Variants in IDH2 observed in about 807,000 individuals in gnomAD.
IDH2 encodes isocitrate dehydrogenase [NADP], mitochondrial.
In IDH2, 18 loss-of-function variants were observed where a neutral mutation model predicts 50.5. The observed-to-expected ratio is 0.36, with a 90% CI of 0.25 to 0.53. IDH2 has a LOEUF of 0.53. IDH2 is among the 20% of genes least tolerant of loss of function. The pLI is 0.92. For synonymous variants in IDH2, 280 were observed against 239.8 expected (o/e 1.17, Z -1.55); for missense variants, 518 against 610.7 (o/e 0.85, Z 1.60).
chr15:90,092,663 G>A lies in IDH2; in HGVS notation c.116-1019C>T, dbSNP rs1013805374. On this transcript the variant is annotated intron_variant, in intron 1 of 10. Coordinates refer to ENST00000330062, the MANE Select transcript of IDH2 (RefSeq NM_002168.4). ...ATGATCTCAGCCCACTGCAACCTCC[G>A]CCTCCCGAGTTCAAGTGATTCTCGG... 2.6e-5 allele frequency among the ~76,000 whole-genome samples: 4 copies of A among 151,470 alleles called. No homozygotes were observed. The East Asian group carries it at 5.8e-4, about 22-fold the overall frequency.
chr15:90,085,519 A>G lies in IDH2; in HGVS notation c.968-132T>C, dbSNP rs1367585013. ...CTCTACTCAGCCTCCCCCAGCTGCA[A>G]CTGGGAGGACAGGGACTGTTCCAGG... On this transcript the variant is annotated intron_variant, in intron 7 of 10. Transcript: ENST00000330062. The surrounding 1 kb of genome is among the most constrained non-coding windows in gnomAD (Gnocchi z 5.5). The G allele has an allele frequency of 4.1e-6, 3 of 724,994 alleles. No individual in the cohort carries two copies. The highest frequency in any genetic ancestry group is 2.0e-5 in the Admixed American group (1 of 49,844). The allele number at this position is 724,994 out of a possible 1,614,324, so 44.9% of individuals were successfully genotyped here.
At chr15:90,094,905 AAAAC>A (rs1412711324) in intron 1 of IDH2, among the ~76,000 whole-genome samples, 4 of 150,668 alleles carry the variant, frequency 2.7e-5, no homozygotes, top group South Asian at 4.2e-4. Context: ...CCATCTCAAA[AAAAC>A]AAACAAACAA....
rs1555462228 is a variant in IDH2 at position 90,098,515 on chromosome 15, T to TATGTATGCATGCATGC, written c.115+3760_115+3761insGCATGCATGCATACAT. ...ACTTTGTATATTTTATGTATGTATG[T>TATGTATGCATGCATGC]ATGTATGTATGCATGCATGTATGTA... is the stretch of plus-strand genomic sequence containing the variant. On this transcript the variant is annotated intron_variant, in intron 1 of 10. Transcript: ENST00000330062. This position sits in a 1 kb window ranked among gnomAD's most constrained non-coding sequence, Gnocchi z 5.1. Among the ~76,000 whole-genome samples the TATGTATGCATGCATGC allele has an allele frequency of 2.5e-3, 375 of 150,500 alleles. 1 individual carries two copies. The highest frequency in any genetic ancestry group is 8.8e-3 in the African/African-American group (356 of 40,352).
chr15:90,087,074 A>G, intron 7 of IDH2, 38 bp downstream of exon 7: 1 of 1,610,914 alleles, frequency 6.2e-7, no homozygotes. Context: ...GAAGACCAAC[A>G]GTCCACCCCC....
intron 5 of IDH2, among the ~76,000 whole-genome samples, chr15:90,087,806 C>CT (rs769048437): frequency 0.028 from 3,379 of 119,088 alleles, 87 homozygotes; most frequent in African/African-American, 0.032. Flanking sequence ...AAAACACCGC[C>CT]TTTTTTTTTT....
At chr15:90,087,683 G>A (rs1900900621) in intron 5 of IDH2, 108 bp from the exon 6 acceptor site, 1 of 1,288,512 alleles carries the variant, frequency 7.8e-7, no homozygotes, top group Non-Finnish European at 1.1e-6. Context: ...GTACCCCGCC[G>A]CCCACGCGAC....
chr15:90,086,184 A>C (rs1386852963), intron 7 of IDH2, among the ~76,000 whole-genome samples: 1 of 152,164 alleles, frequency 6.6e-6, no homozygotes, highest in African/African-American at 2.4e-5. Flanking sequence ...AGGTTTACAC[A>C]AAGTAACAAG....
At chr15:90,091,956 A>G (rs1901050709) in intron 1 of IDH2, among the ~76,000 whole-genome samples, 1 of 152,182 alleles carries the variant, frequency 6.6e-6, no homozygotes, top group African/African-American at 2.4e-5. Flanking sequence ...GTGAGTGAGC[A>G]CTACTACCAC....
At chr15:90,096,178 T>TTACA (rs1567258735) in intron 1 of IDH2, among the ~76,000 whole-genome samples, 7 of 152,122 alleles carry the variant, frequency 4.6e-5, no homozygotes, top group Admixed American at 2.6e-4. Context: ...CACACACCTG[T>TTACA]AGTCCCAGCT....
intron 1 of IDH2, among the ~76,000 whole-genome samples, chr15:90,093,598 T>TTTAA (rs67827708): frequency 0.18 from 26,813 of 150,176 alleles, 2,702 homozygotes; most frequent in East Asian, 0.46. Flanking sequence ...CTCCATTTTA[T>TTTAA]TTAATTAATT....
chr15:90,083,055 A>G lies in IDH2; in HGVS notation c.*1211T>C, dbSNP rs1900764456. On this transcript the variant is annotated 3_prime_UTR_variant, in exon 11 of 11. Transcript: ENST00000330062. ...TGCAGAGGACAGTCCTTTTGATTAT[A>G]TGTAGCTTTAGAGCAACTTTTATTT... 6.7e-6 allele frequency: 1 copy of G among 148,420 alleles called. No individual in the cohort carries two copies. The highest frequency in any genetic ancestry group is 1.5e-5 in the Non-Finnish European group (1 of 67,310). 9.2% of individuals were successfully genotyped at this position (148,420 alleles called of 1,614,324 possible).
At chr15:90,086,670 ATT>A (rs375713389) in intron 7 of IDH2, among the ~76,000 whole-genome samples, 2 of 152,054 alleles carry the variant, frequency 1.3e-5, no homozygotes, top group Non-Finnish European at 2.9e-5. Context: ...CTGCAATCTG[ATT>A]TGTCTTTTAG....
Position 90,098,697 on chromosome 15 carries a change from C to T in IDH2, c.115+3579G>A, listed in dbSNP as rs1429799033. Among the ~76,000 whole-genome samples, 1 of 152,116 alleles carries T rather than the reference C, an allele frequency of 6.6e-6. No homozygotes were observed. Among genetic ancestry groups the T allele is most frequent in the East Asian group, 1.9e-4 (1 of 5,188 alleles). On this transcript the variant is annotated intron_variant, in intron 1 of 10. Coordinates refer to ENST00000330062, the MANE Select transcript of IDH2 (RefSeq NM_002168.4). This position sits in a 1 kb window ranked among gnomAD's most constrained non-coding sequence, Gnocchi z 5.1. Reference sequence around the variant, plus strand: ...TAGCTGGGACTACAGGCGCCTGCCACCACACCCAGCTAATTTTTGTATTTT... The same window carrying T: ...TAGCTGGGACTACAGGCGCCTGCCATCACACCCAGCTAATTTTTGTATTTT...
intron 1 of IDH2, among the ~76,000 whole-genome samples, chr15:90,096,892 C>T (rs1338294677): frequency 6.7e-6 from 1 of 149,840 alleles, no homozygotes; most frequent in Non-Finnish European, 1.5e-5. Flanking sequence ...CCAGCATGGG[C>T]GAAAGAGAGC....
Position 90,088,500 on chromosome 15 carries a change from G to A in IDH2, c.537C>T (p.Tyr179=), listed in dbSNP as rs2151549332. The A allele has an allele frequency of 1.9e-6, 3 of 1,614,250 alleles. No individual in the cohort carries two copies. Among genetic ancestry groups the A allele is most frequent in the Non-Finnish European group, 2.5e-6 (3 of 1,180,054 alleles). The stretch of plus-strand genomic sequence containing the variant: ...GGTCTGCCACAAAGTCTGTGGCCTT[G>A]TACTGCAGAGACAAGAGGATGGCTA... The part of the protein sequence containing the change: ...TIGRHAHGDQ[Y]KATDFVADRA... Residue 179 remains tyrosine, a splice_region_variant and synonymous_variant, in exon 5 of 11, where the codon TAC becomes TAT. Coordinates refer to ENST00000330062, the MANE Select transcript of IDH2 (RefSeq NM_002168.4).
chr15:90,101,979 C>A (rs745387689), intron 1 of IDH2, among the ~76,000 whole-genome samples: 9 of 151,962 alleles, frequency 5.9e-5, no homozygotes, highest in Non-Finnish European at 1.2e-4. Context: ...TCTCAGGACC[C>A]CCTCCCGAAA....
At position 90,088,432 on chromosome 15, in the gene IDH2, C is replaced by A; in HGVS notation, c.605G>T (p.Ser202Ile). The A allele has an allele frequency of 6.2e-7, 1 of 1,614,246 alleles. No homozygotes were observed. Among genetic ancestry groups the A allele is most frequent in the East Asian group, 2.2e-5 (1 of 44,880 alleles). ...GTACACTTCCCACTCCTTGACACCA[C>A]TGCCATCTTTTGGGGTGAAGACCAT... The part of the protein sequence containing the change: ...FKMVFTPKDG[S>I]GVKEWEVYNF... Residue 202 changes from serine (S) to isoleucine (I), a missense_variant, in exon 5 of 11, where the codon AGT becomes ATT. This residue lies in a region of IDH2 where 207 missense variants were observed against 208.6 expected (regional missense o/e 0.99). Coordinates refer to ENST00000330062, the MANE Select transcript of IDH2 (RefSeq NM_002168.4).
intron 2 of IDH2, 68 bp from the exon 3 acceptor site, chr15:90,090,712 TAAG>T: frequency 6.5e-7 from 1 of 1,537,144 alleles, no homozygotes; most frequent in Admixed American, 1.7e-5. Context: ...AAGGGCAGGA[TAAG>T]AAGTCTGCAG....
chr15:90,090,440 G>A (rs766434474), intron 3 of IDH2, 39 bp downstream of exon 3: 2 of 1,608,086 alleles, frequency 1.2e-6, no homozygotes, highest in Admixed American at 1.7e-5. Context: ...GGAGAAGCCT[G>A]TGACCCTCCC....
Sources: allele counts gnomAD v4.1 joint callset (sites outside exome capture counted in the v4.1 genomes callset), GRCh38; gene constraint gnomAD v4.1.1; regional missense constraint gnomAD v4.1.1; non-coding constraint Gnocchi (gnomAD v3.1); transcripts MANE v1.5; gene names NCBI Gene and HGNC (gene_info 2026-07-23, HGNC 2026-07-21).